The following ATRNL1 variants were observed in gnomAD, a reference collection of about 807,000 sequenced individuals.
The protein encoded by ATRNL1 is attractin like 1.
Under a neutral mutation model 182.7 loss-of-function variants are expected in ATRNL1, and 95 were observed. The observed-to-expected ratio is 0.52, with a 90% CI of 0.44 to 0.62. The LOEUF (loss-of-function observed/expected upper bound fraction) is 0.62, where lower values mean the gene tolerates loss of function less well. Among genes scored for constraint, ATRNL1 ranks in the 20% least tolerant of loss-of-function variants. ATRNL1 has a pLI of 0.00. For synonymous variants in ATRNL1, 576 were observed against 568.3 expected (o/e 1.01, Z -0.19); for missense variants, 1,471 against 1,679.5 (o/e 0.88, Z 2.17).
chr10:115,584,585 C>T (rs1437156930), intron 26 of ATRNL1, among the ~76,000 whole-genome samples: 20 of 142,524 alleles, frequency 1.4e-4, no homozygotes, highest in African/African-American at 4.3e-4. Flanking sequence ...TCTCTGGGAT[C>T]GGTGGTGATA....
chr10:115,502,830 C>T (rs550562320), intron 24 of ATRNL1, among the ~76,000 whole-genome samples: 9 of 152,170 alleles, frequency 5.9e-5, no homozygotes, highest in African/African-American at 9.6e-5. Flanking sequence ...CACCATGGCA[C>T]GTGTATACCT....
chr10:115,581,263 A>G (rs1361764647), intron 26 of ATRNL1, among the ~76,000 whole-genome samples: 2 of 151,958 alleles, frequency 1.3e-5, no homozygotes, highest in East Asian at 1.9e-4. Flanking sequence ...GTGATCCCCA[A>G]TTAGTATGTG....
At chr10:115,668,182 C>T (rs1303348078) in intron 26 of ATRNL1, among the ~76,000 whole-genome samples, 1 of 152,072 alleles carries the variant, frequency 6.6e-6, no homozygotes, top group Admixed American at 6.6e-5. Context: ...CCTTACCCCT[C>T]CAAGCTTAGG....
chr10:115,281,550 G>C, intron 14 of ATRNL1, 63 bp downstream of exon 14: 1 of 1,483,762 alleles, frequency 6.7e-7, no homozygotes, highest in Non-Finnish European at 9.2e-7. Context: ...ACATAGAAAA[G>C]TACATTTAGT....
chr10:115,557,381 C>T (rs1554997294), intron 26 of ATRNL1, among the ~76,000 whole-genome samples: 1 of 151,976 alleles, frequency 6.6e-6, no homozygotes, highest in Non-Finnish European at 1.5e-5. Context: ...CTGAGACATT[C>T]AAATTTAAGA....
chr10:115,441,145 T>C (rs1410777507), intron 21 of ATRNL1, among the ~76,000 whole-genome samples: 4 of 151,938 alleles, frequency 2.6e-5, no homozygotes, highest in Non-Finnish European at 2.9e-5. Flanking sequence ...TTTAACTCTT[T>C]AAGGGACTTT....
chr10:115,373,077 C>T (rs28854191), intron 19 of ATRNL1, among the ~76,000 whole-genome samples: 1,963 of 152,054 alleles, frequency 0.013, 36 homozygotes, highest in African/African-American at 0.044. Flanking sequence ...GTATATAGGT[C>T]ATTCACTTCT....
chr10:115,287,364 T>A (rs1314151219), intron 15 of ATRNL1, among the ~76,000 whole-genome samples: 1 of 152,060 alleles, frequency 6.6e-6, no homozygotes, highest in African/African-American at 2.4e-5. Context: ...ATTTTTACTA[T>A]TTCCATTTTA....
intron 1 of ATRNL1, among the ~76,000 whole-genome samples, chr10:115,119,354 G>A (rs187309399): frequency 3.9e-5 from 6 of 151,938 alleles, no homozygotes; most frequent in African/African-American, 1.2e-4. Context: ...GTGTGTGTGT[G>A]TATGTTTATG....
At chr10:115,424,616 C>T (rs551637892) in intron 20 of ATRNL1, among the ~76,000 whole-genome samples, 1 of 152,138 alleles carries the variant, frequency 6.6e-6, no homozygotes, top group African/African-American at 2.4e-5. Context: ...GAAATCCTGT[C>T]ATTTGGGACA....
At chr10:115,134,365 A>AT (rs1554876073) in intron 5 of ATRNL1, among the ~76,000 whole-genome samples, 1 of 152,220 alleles carries the variant, frequency 6.6e-6, no homozygotes, top group Non-Finnish European at 1.5e-5. Flanking sequence ...ATCACCACAG[A>AT]TCCCACAGAG....
At chr10:115,174,311 T>C (rs1554886325) in intron 8 of ATRNL1, among the ~76,000 whole-genome samples, 1 of 151,760 alleles carries the variant, frequency 6.6e-6, no homozygotes, top group Non-Finnish European at 1.5e-5. Flanking sequence ...CCAGGGAGAA[T>C]GGGGGAGATT....
intron 8 of ATRNL1, among the ~76,000 whole-genome samples, chr10:115,187,612 A>G (rs1010965287): frequency 7.4e-4 from 113 of 152,062 alleles, no homozygotes; most frequent in African/African-American, 2.6e-3. Context: ...TACAAATGTT[A>G]AATTTCTTAA....
At chr10:115,939,513 C>T (rs543010990) in intron 28 of ATRNL1, among the ~76,000 whole-genome samples, 4 of 152,290 alleles carry the variant, frequency 2.6e-5, no homozygotes, top group African/African-American at 9.6e-5. Context: ...GTTGAATCTA[C>T]TGGTATATTT....
intron 27 of ATRNL1, among the ~76,000 whole-genome samples, chr10:115,812,971 G>T (rs2134261164): frequency 6.6e-6 from 1 of 152,226 alleles, no homozygotes; most frequent in East Asian, 1.9e-4. Flanking sequence ...GTGAATGGAA[G>T]AAAGTATGCT....
In ATRNL1 at chr10:115,389,544, A is replaced by ATATATATATATG. The variant is rs1564989792; in HGVS notation, c.3176-5104_3176-5103insGTATATATATAT. On this transcript the variant is annotated intron_variant, in intron 19 of 28. Transcript: ENST00000355044. ...ATAGTATTCAAATGTGTATGTGTAT[A>ATATATATATATG]TATATATATATATATATATATATAT... is the stretch of plus-strand genomic sequence containing the variant. Among the ~76,000 whole-genome samples the ATATATATATATG allele has an allele frequency of 3.0e-3, 31 of 10,434 alleles. 2 individuals are homozygous for ATATATATATATG. Among genetic ancestry groups the ATATATATATATG allele is most frequent in the Non-Finnish European group, 4.1e-3 (26 of 6,362 alleles). The allele number at this position is 10,434 out of a possible 152,430, so 6.8% of individuals were successfully genotyped here.
chr10:115,505,500 C>G (rs1189838152), intron 24 of ATRNL1, among the ~76,000 whole-genome samples: 1 of 151,760 alleles, frequency 6.6e-6, no homozygotes, highest in Non-Finnish European at 1.5e-5. Context: ...CCATAAAAAG[C>G]AAACAAACAA....
chr10:115,660,495 C>T (rs1860614437), intron 26 of ATRNL1, among the ~76,000 whole-genome samples: 1 of 152,010 alleles, frequency 6.6e-6, no homozygotes, highest in Admixed American at 6.6e-5. Flanking sequence ...TCAACATAAG[C>T]TGACCATTAA....
intron 27 of ATRNL1, among the ~76,000 whole-genome samples, chr10:115,837,599 A>G (rs930379005): frequency 6.6e-6 from 1 of 152,046 alleles, no homozygotes; most frequent in Non-Finnish European, 1.5e-5. Flanking sequence ...GTATAAGCAG[A>G]AAGGTTTGCA....
Sources: allele counts gnomAD v4.1 joint callset (sites outside exome capture counted in the v4.1 genomes callset), GRCh38; gene constraint gnomAD v4.1.1; transcripts MANE v1.5; gene names NCBI Gene and HGNC (gene_info 2026-07-23, HGNC 2026-07-21).